The following COL23A1 variants were observed in gnomAD, a reference collection of about 807,000 sequenced individuals.
COL23A1 encodes collagen alpha-1(XXIII) chain.
Under a neutral mutation model 99.3 loss-of-function variants are expected in COL23A1, and 97 were observed. The observed-to-expected ratio is 0.98, with a 90% CI of 0.83 to 1.16. The LOEUF (loss-of-function observed/expected upper bound fraction) is 1.16. Ranked by LOEUF, COL23A1 falls within the 50% of genes most tolerant of loss-of-function variation. COL23A1 has a pLI of 0.00. For missense variants in COL23A1, 762 were observed against 757.4 expected, an observed-to-expected ratio of 1.01 and a Z score of -0.07; for synonymous variants, 320 against 308.2, an observed-to-expected ratio of 1.04 and a Z score of -0.40.
chr5:178,471,631 T>C (rs1208159351), intron 2 of COL23A1, among the ~76,000 whole-genome samples: 2 of 152,102 alleles, frequency 1.3e-5, no homozygotes, highest in Non-Finnish European at 2.9e-5. Flanking sequence ...CTCCTAGAGA[T>C]AGCAAGCACC....
chr5:178,302,261 G>C (rs1404475450), intron 3 of COL23A1, among the ~76,000 whole-genome samples: 1 of 116,214 alleles, frequency 8.6e-6, no homozygotes, highest in African/African-American at 3.2e-5. Context: ...GTGTGCGCCG[G>C]AGCACGGCTT....
chr5:178,274,375 G>C (rs538930261), intron 5 of COL23A1, among the ~76,000 whole-genome samples: 1 of 152,334 alleles, frequency 6.6e-6, no homozygotes, highest in African/African-American at 2.4e-5. Context: ...GCCTGGGGCT[G>C]GTCTGAATGG....
At chr5:178,533,452 T>C (rs915722878) in intron 2 of COL23A1, among the ~76,000 whole-genome samples, 2 of 152,206 alleles carry the variant, frequency 1.3e-5, no homozygotes, top group Non-Finnish European at 2.9e-5. Flanking sequence ...CTGGCTTATT[T>C]CACTCAGCAT....
At chr5:178,447,642 T>C (rs1003493344) in intron 2 of COL23A1, among the ~76,000 whole-genome samples, 3 of 152,170 alleles carry the variant, frequency 2.0e-5, no homozygotes, top group Non-Finnish European at 4.4e-5. Flanking sequence ...GGCTTGTGAG[T>C]ACACTCGCTG....
At chr5:178,290,222 G>A (rs573440571) in intron 4 of COL23A1, 140 bp downstream of exon 4, 53 of 1,186,700 alleles carry the variant, frequency 4.5e-5, no homozygotes, top group South Asian at 6.2e-5. Context: ...GTGAGCCACC[G>A]CACCTGGCCA....
intron 2 of COL23A1, among the ~76,000 whole-genome samples, chr5:178,515,559 G>A (rs759546446): frequency 9.2e-5 from 14 of 152,108 alleles, no homozygotes; most frequent in Non-Finnish European, 1.8e-4. Context: ...TGCCCATCCT[G>A]GTGCACTCAG....
chr5:178,358,912 T>C (rs995027988), intron 2 of COL23A1, among the ~76,000 whole-genome samples: 5 of 152,172 alleles, frequency 3.3e-5, no homozygotes, highest in Admixed American at 2.0e-4. Flanking sequence ...AGGGAGAAAA[T>C]GATCCAGATT....
At chr5:178,487,590 G>A (rs865826781) in intron 2 of COL23A1, among the ~76,000 whole-genome samples, 9 of 152,132 alleles carry the variant, frequency 5.9e-5, no homozygotes, top group Non-Finnish European at 1.0e-4. Flanking sequence ...CATTTATGGG[G>A]CTGTAAGGTT....
intron 2 of COL23A1, among the ~76,000 whole-genome samples, chr5:178,419,453 G>A (rs1254655888): frequency 6.6e-6 from 1 of 152,164 alleles, no homozygotes; most frequent in Non-Finnish European, 1.5e-5. Context: ...CACTGGGCTC[G>A]GCACCACGAC....
intron 2 of COL23A1, among the ~76,000 whole-genome samples, chr5:178,549,232 T>G (rs189249046): frequency 0.065 from 9,812 of 151,628 alleles, 578 homozygotes; most frequent in Middle Eastern, 0.21. Context: ...GACCTCAGGT[T>G]ATCCACCCGC....
At chr5:178,526,124 G>A (rs920926623) in intron 2 of COL23A1, among the ~76,000 whole-genome samples, 1 of 152,246 alleles carries the variant, frequency 6.6e-6, no homozygotes, top group Non-Finnish European at 1.5e-5. Context: ...AGGGCAGAGG[G>A]CCAGGGAATG....
intron 2 of COL23A1, among the ~76,000 whole-genome samples, chr5:178,357,341 C>T (rs746517924): frequency 3.9e-5 from 6 of 152,192 alleles, no homozygotes; most frequent in Non-Finnish European, 8.8e-5. Flanking sequence ...GGCGGAAGTG[C>T]CTCTGCCCCC....
At chr5:178,248,053 G>T in intron 20 of COL23A1, 139 bp downstream of exon 20, 1 of 735,864 alleles carries the variant, frequency 1.4e-6, no homozygotes. Context: ...TCTCAGAGGG[G>T]TCTCGCTCCC....
At chr5:178,242,198 G>T in intron 26 of COL23A1, 70 bp from the exon 27 acceptor site, 1 of 1,483,592 alleles carries the variant, frequency 6.7e-7, no homozygotes. Flanking sequence ...ATCTCTCCGA[G>T]AGAAGCGCGT....
intron 2 of COL23A1, among the ~76,000 whole-genome samples, chr5:178,457,399 G>C (rs1304855498): frequency 2.0e-5 from 3 of 152,062 alleles, no homozygotes; most frequent in African/African-American, 7.2e-5. Flanking sequence ...ATTTTTAGTA[G>C]AGACGGGGTT....
rs1562025775 is a variant in COL23A1 at position 178,498,252 on chromosome 5, ATAT to A, written c.361+62427_361+62429del. Among the ~76,000 whole-genome samples the A allele has an allele frequency of 3.2e-3, 224 of 71,062 alleles. 6 individuals are homozygous for A. The highest frequency in any genetic ancestry group is 0.013 in the African/African-American group (156 of 11,796). The allele number at this position is 71,062 out of a possible 152,430, so 46.6% of individuals were successfully genotyped here. A position where few individuals can be genotyped will look rare whatever the true frequency, so the allele number is the denominator to read the frequency against. On this transcript the variant is annotated intron_variant, in intron 2 of 28. Coordinates refer to ENST00000390654, the MANE Select transcript of COL23A1 (RefSeq NM_173465.4). The stretch of plus-strand genomic sequence containing the variant: ...TATATATATATATATATATATATAT[ATAT>A]ATAAAAGAACTTAAAAATAAAAAAA...
intron 2 of COL23A1, among the ~76,000 whole-genome samples, chr5:178,412,054 T>A (rs1020324064): frequency 6.6e-6 from 1 of 152,180 alleles, no homozygotes; most frequent in Non-Finnish European, 1.5e-5. Context: ...ATAAACACAC[T>A]CATGAATGTA....
intron 2 of COL23A1, among the ~76,000 whole-genome samples, chr5:178,447,506 A>G (rs1767227812): frequency 6.6e-6 from 1 of 152,228 alleles, no homozygotes; most frequent in Non-Finnish European, 1.5e-5. Context: ...GTTTAGATAT[A>G]CACATACTAA....
rs763643774 is a variant in COL23A1, at chr5:178,306,841, C to T, written c.406+34G>A. On this transcript the variant is annotated intron_variant, in intron 3 of 28. Coordinates refer to ENST00000390654, the MANE Select transcript of COL23A1 (RefSeq NM_173465.4). The surrounding 1 kb of genome is among the most constrained non-coding windows in gnomAD (Gnocchi z 4.1). ...CCTGGGGCCATGGTGGCTTCCAAGC[C>T]TTGGCTTAGGAGCTGAGAAAACCTG... 16 of 1,451,684 alleles carry T rather than the reference C, an allele frequency of 1.1e-5. No homozygotes were observed. Among genetic ancestry groups the T allele is most frequent in the South Asian group, 1.4e-5 (1 of 69,076 alleles). 89.9% of individuals were successfully genotyped at this position (1,451,684 alleles called of 1,614,324 possible). A position where few individuals can be genotyped will look rare whatever the true frequency, so the allele number is the denominator to read the frequency against.
Sources: allele counts gnomAD v4.1 joint callset (sites outside exome capture counted in the v4.1 genomes callset), GRCh38; gene constraint gnomAD v4.1.1; non-coding constraint Gnocchi (gnomAD v3.1); transcripts MANE v1.5; gene names NCBI Gene and HGNC (gene_info 2026-07-23, HGNC 2026-07-21).